The following ATRNL1 variants were observed in gnomAD, a reference collection of about 807,000 sequenced individuals.
The protein encoded by ATRNL1 is attractin like 1.
A neutral mutation model predicts 182.7 loss-of-function variants in ATRNL1; 95 were observed. That is an observed-to-expected ratio of 0.52 (90% CI 0.44 to 0.62). The LOEUF (loss-of-function observed/expected upper bound fraction) is 0.62. Among genes scored for constraint, ATRNL1 ranks in the 20% least tolerant of loss-of-function variants. The pLI, the probability that ATRNL1 is intolerant of heterozygous loss-of-function variation, is 0.00. For missense variants in ATRNL1, 1,471 were observed against 1,679.5 expected (o/e 0.88, Z 2.17); for synonymous variants, 576 against 568.3 (o/e 1.01, Z -0.19).
chr10:115,115,115 A>C (rs920504597), intron 1 of ATRNL1, among the ~76,000 whole-genome samples: 1 of 152,194 alleles, frequency 6.6e-6, no homozygotes, highest in African/African-American at 2.4e-5. Flanking sequence ...AGGTTATGCA[A>C]AATAAGCTAG....
At chr10:115,181,882 A>G (rs1409844145) in intron 8 of ATRNL1, among the ~76,000 whole-genome samples, 10 of 151,680 alleles carry the variant, frequency 6.6e-5, no homozygotes, top group Non-Finnish European at 1.2e-4. Context: ...ATACTAGTAA[A>G]AAGTTGAAAG....
At chr10:115,672,650 T>C (rs1236491026) in intron 26 of ATRNL1, among the ~76,000 whole-genome samples, 1 of 152,104 alleles carries the variant, frequency 6.6e-6, no homozygotes, top group Non-Finnish European at 1.5e-5. Context: ...ACTTTTCTTA[T>C]TACAGAAATT....
At chr10:115,490,129 C>T (rs539509620) in intron 24 of ATRNL1, among the ~76,000 whole-genome samples, 37 of 152,176 alleles carry the variant, frequency 2.4e-4, no homozygotes, top group East Asian at 3.9e-4. Flanking sequence ...GTGGGTAACC[C>T]GACCTTTCTC....
In ATRNL1 at chr10:115,579,664, A is replaced by G. The variant is rs117790859; in HGVS notation, c.3795+30128A>G. On this transcript the variant is annotated intron_variant, in intron 26 of 28. Transcript: ENST00000355044. ...GAATATAGTTGAATCTTGGATTTTTAAAATTCATTTAGCCAGCCTATATCT... is the reference window on the plus strand; with the variant it reads ...GAATATAGTTGAATCTTGGATTTTTGAAATTCATTTAGCCAGCCTATATCT... Among the ~76,000 whole-genome samples the G allele has an allele frequency of 5.9e-3, 903 of 152,062 alleles. 36 individuals are homozygous for G. In the East Asian group the frequency reaches 0.11, roughly 19 times the overall value.
chr10:115,175,179 A>G (rs1273214123), intron 8 of ATRNL1, among the ~76,000 whole-genome samples: 2 of 152,054 alleles, frequency 1.3e-5, no homozygotes, highest in East Asian at 1.9e-4. Context: ...AATATAGTTT[A>G]TAATTCACAG....
chr10:115,462,556 G>A (rs1198076689), intron 22 of ATRNL1, among the ~76,000 whole-genome samples: 3 of 152,078 alleles, frequency 2.0e-5, no homozygotes, highest in African/African-American at 4.8e-5. Flanking sequence ...AGGTTGCAGT[G>A]AGCCGAGATC....
intron 1 of ATRNL1, among the ~76,000 whole-genome samples, chr10:115,095,684 A>G (rs1291028709): frequency 1.3e-5 from 2 of 152,098 alleles, no homozygotes; most frequent in African/African-American, 2.4e-5. Flanking sequence ...ATCTTAATGA[A>G]TTCTGCTTGT....
chr10:115,100,067 G>A (rs1843712188), intron 1 of ATRNL1, among the ~76,000 whole-genome samples: 1 of 152,148 alleles, frequency 6.6e-6, no homozygotes, highest in Admixed American at 6.5e-5. Flanking sequence ...TGAGACAGGA[G>A]GATCACTTGA....
At chr10:115,157,845 A>G (rs1413770762) in intron 5 of ATRNL1, among the ~76,000 whole-genome samples, 1 of 152,102 alleles carries the variant, frequency 6.6e-6, no homozygotes, top group Non-Finnish European at 1.5e-5. Context: ...CTTGTTCTGC[A>G]GTATTTTGCT....
At chr10:115,549,974 T>C (rs1035713219) in intron 26 of ATRNL1, among the ~76,000 whole-genome samples, 2 of 151,834 alleles carry the variant, frequency 1.3e-5, no homozygotes, top group Admixed American at 6.6e-5. Flanking sequence ...TTTTTGGGAA[T>C]CAAATCTTTT....
intron 27 of ATRNL1, among the ~76,000 whole-genome samples, chr10:115,764,712 G>A (rs1948814852): frequency 1.3e-5 from 2 of 151,904 alleles, no homozygotes; most frequent in South Asian, 4.2e-4. Flanking sequence ...TCACTCTGTT[G>A]CCCAGGCTGG....
chr10:115,609,420 A>G (rs1392274983), intron 26 of ATRNL1, among the ~76,000 whole-genome samples: 13 of 152,202 alleles, frequency 8.5e-5, no homozygotes, highest in African/African-American at 2.7e-4. Flanking sequence ...TTGAAGTAAT[A>G]TAGGCCATTA....
chr10:115,624,486 T>C (rs1857968926), intron 26 of ATRNL1, among the ~76,000 whole-genome samples: 1 of 152,150 alleles, frequency 6.6e-6, no homozygotes. Flanking sequence ...CTAAGCAATA[T>C]CATCTTCGAT....
intron 26 of ATRNL1, among the ~76,000 whole-genome samples, chr10:115,722,283 C>T (rs1947453224): frequency 6.6e-6 from 1 of 151,888 alleles, no homozygotes; most frequent in Non-Finnish European, 1.5e-5. Context: ...ACAACTGTAA[C>T]CTGAATAAAG....
intron 26 of ATRNL1, among the ~76,000 whole-genome samples, chr10:115,624,803 G>C (rs956871508): frequency 6.6e-6 from 1 of 152,046 alleles, no homozygotes; most frequent in South Asian, 2.1e-4. Flanking sequence ...AATAATTAGG[G>C]GGTGATAAGG....
chr10:115,554,701 A>C (rs1476380725), intron 26 of ATRNL1, among the ~76,000 whole-genome samples: 1 of 151,664 alleles, frequency 6.6e-6, no homozygotes, highest in Non-Finnish European at 1.5e-5. Flanking sequence ...GGGAGATAGA[A>C]TATATCGAAA....
At chr10:115,632,026 T>TA (rs1858543628) in intron 26 of ATRNL1, among the ~76,000 whole-genome samples, 1 of 152,112 alleles carries the variant, frequency 6.6e-6, no homozygotes, top group Non-Finnish European at 1.5e-5. Flanking sequence ...AAATGCTAGC[T>TA]AAAAAGGATT....
chr10:115,333,163 A>G (rs1554935590), intron 18 of ATRNL1, among the ~76,000 whole-genome samples: 1 of 152,180 alleles, frequency 6.6e-6, no homozygotes, highest in East Asian at 1.9e-4. Context: ...AGTTGCTATC[A>G]TAGTTGTAAT....
intron 26 of ATRNL1, among the ~76,000 whole-genome samples, chr10:115,605,544 G>A (rs1243605047): frequency 6.6e-6 from 1 of 151,718 alleles, no homozygotes; most frequent in Non-Finnish European, 1.5e-5. Flanking sequence ...TGACTTTATG[G>A]TGGGTTTATG....
Sources: gnomAD v4.1 joint callset for allele counts (sites outside exome capture counted in the v4.1 genomes callset) on GRCh38, gnomAD v4.1.1 for gene constraint, MANE v1.5 for transcripts, NCBI Gene and HGNC (gene_info 2026-07-23, HGNC 2026-07-21) for gene names.